The following TBC1D19 variants were observed in gnomAD, a reference collection of about 807,000 sequenced individuals.
The protein encoded by TBC1D19 is TBC1 domain family member 19.
A neutral mutation model predicts 89.0 loss-of-function variants in TBC1D19; 60 were observed. That is an observed-to-expected ratio of 0.67 (90% CI 0.55 to 0.84). The LOEUF (loss-of-function observed/expected upper bound fraction) is 0.84. Ranked by LOEUF, TBC1D19 falls within the 40% of genes least tolerant of loss-of-function variation. The probability of loss-of-function intolerance (pLI) is 0.00; values close to 1 mark genes in which losing one functional copy is unlikely to be tolerated. For synonymous variants in TBC1D19, 189 were observed against 199.7 expected, an observed-to-expected ratio of 0.95 and a Z score of 0.45; for missense variants, 500 against 610.8, an observed-to-expected ratio of 0.82 and a Z score of 1.91.
At chr4:26,621,940 G>A (rs993678973) in intron 4 of TBC1D19, among the ~76,000 whole-genome samples, 5 of 152,032 alleles carry the variant, frequency 3.3e-5, no homozygotes, top group Non-Finnish European at 7.4e-5. Context: ...CATGTCCTTT[G>A]TAGGGACATG....
Position 26,636,860 on chromosome 4 carries a change from T to C in TBC1D19, c.295-351T>C, listed in dbSNP as rs569737617. 5.9e-5 allele frequency among the ~76,000 whole-genome samples: 9 copies of C among 152,284 alleles called. No homozygotes were observed. In the East Asian group the frequency reaches 1.5e-3, roughly 26 times the overall value. On this transcript the variant is annotated intron_variant, in intron 4 of 20. Coordinates refer to ENST00000264866, the MANE Select transcript of TBC1D19 (RefSeq NM_018317.4). ...ATGAGATTCCTAAGTATTAAACATTTATAAAATACTTAAATTTAACTTATC... is the reference window on the plus strand; with the variant it reads ...ATGAGATTCCTAAGTATTAAACATTCATAAAATACTTAAATTTAACTTATC...
chr4:26,779,461 AAC>A, the TBC1D19 span, among the ~76,000 whole-genome samples: 2 of 152,200 alleles, frequency 1.3e-5, no homozygotes, highest in Non-Finnish European at 2.9e-5. Flanking sequence ...AGTTCTTGCA[AAC>A]ACATACTTTT....
In TBC1D19 at chr4:26,753,891, G is replaced by C; in HGVS notation, c.1506+1G>C. 1 of 1,613,878 alleles carries C rather than the reference G, an allele frequency of 6.2e-7. No homozygotes were observed. Among genetic ancestry groups the C allele is most frequent in the Non-Finnish European group, 8.5e-7 (1 of 1,179,840 alleles). On this transcript the variant is annotated splice_donor_variant, in intron 20 of 20. Coordinates refer to ENST00000264866, the MANE Select transcript of TBC1D19 (RefSeq NM_018317.4). LOFTEE classifies it high-confidence loss of function. ...GGTGACATCACTGGCTGCAGCTGAA[G>C]TAAGGATAAGTTTCACTCAGATGGG...
At chr4:26,662,145 T>C (rs260943) in intron 8 of TBC1D19, among the ~76,000 whole-genome samples, 149,970 of 152,312 alleles carry the variant, frequency 0.98, 73,874 homozygotes, top group East Asian at 1. Flanking sequence ...TTTAGGGCAA[T>C]AGTGATGGGA....
At position 26,748,435 on chromosome 4, in the gene TBC1D19, G is replaced by A. The variant is rs754576654; in HGVS notation, c.1344G>A (p.Met448Ile). 2 of 1,613,648 alleles carry A rather than the reference G, an allele frequency of 1.2e-6. No individual in the cohort carries two copies. Among genetic ancestry groups the A allele is most frequent in the East Asian group, 2.2e-5 (1 of 44,832 alleles). ...AQPLRISFKW[M>I]VRAFSGYLAT... The stretch of plus-strand genomic sequence containing the variant: ...GACTTCGCATATCATTTAAGTGGAT[G>A]GTTCGAGCTTTCTCTGGATACTTAG... The change falls in exon 19 of 21, where the codon ATG (methionine) becomes ATA (isoleucine). Residue 448 changes from methionine (M) to isoleucine (I), a missense_variant. Transcript: ENST00000264866.
At chr4:26,594,271 A>G (rs1740040753) in intron 1 of TBC1D19, among the ~76,000 whole-genome samples, 1 of 152,144 alleles carries the variant, frequency 6.6e-6, no homozygotes, top group African/African-American at 2.4e-5. Context: ...GTTCTCACTC[A>G]TAGGTGGGAA....
chr4:26,833,411 A>AT, the TBC1D19 span, among the ~76,000 whole-genome samples: 3 of 152,150 alleles, frequency 2.0e-5, no homozygotes, highest in African/African-American at 7.2e-5. Flanking sequence ...ATGAAGTCAT[A>AT]TTTCTACCAA....
At chr4:26,730,305 G>C (rs1717574331) in intron 15 of TBC1D19, among the ~76,000 whole-genome samples, 1 of 151,924 alleles carries the variant, frequency 6.6e-6, no homozygotes, top group Non-Finnish European at 1.5e-5. Context: ...TATTCTACTG[G>C]GAGAGAAAAA....
chr4:26,822,687 AATAAATGT>A, the TBC1D19 span, among the ~76,000 whole-genome samples: 3,887 of 152,296 alleles, frequency 0.026, 178 homozygotes, highest in African/African-American at 0.09. Context: ...GAAGACCTGT[AATAAATGT>A]ATACTTCTTC....
chr4:26,739,956 A>G lies in TBC1D19; in HGVS notation c.1210A>G (p.Ile404Val), dbSNP rs144542050. 5,100 of 1,582,702 alleles carry G rather than the reference A, an allele frequency of 3.2e-3. 20 individuals carry two copies. The highest frequency in any genetic ancestry group is 3.0e-3 in the Non-Finnish European group (3,532 of 1,163,688). ...YVRFFFRLHS[I>V]SSHPSGIVSL... ...GCGTTTTTTCTTCAGACTCCATTCC[A>G]TCTCTTCTCATCCTTCTGTAAGTTC... The change falls in exon 17 of 21, where the codon ATC becomes GTC. Residue 404 changes from isoleucine to valine, a missense_variant. By Grantham distance (29) the Ile-to-Val change is conservative. Coordinates refer to ENST00000264866, the MANE Select transcript of TBC1D19 (RefSeq NM_018317.4).
intron 11 of TBC1D19, 102 bp from the exon 12 acceptor site, chr4:26,683,573 C>T: frequency 1.2e-6 from 1 of 854,290 alleles, no homozygotes; most frequent in South Asian, 1.7e-5. Flanking sequence ...ACACTGAGTT[C>T]CTGCCCTTCT....
At chr4:26,619,371 A>C (rs1262044110) in intron 3 of TBC1D19, among the ~76,000 whole-genome samples, 3 of 151,820 alleles carry the variant, frequency 2.0e-5, no homozygotes, top group Non-Finnish European at 4.4e-5. Flanking sequence ...CGGCTGGCTA[A>C]TTTTTTTGTA....
chr4:26,612,136 A>G (rs1300763947), intron 1 of TBC1D19, among the ~76,000 whole-genome samples: 1 of 151,098 alleles, frequency 6.6e-6, no homozygotes, highest in African/African-American at 2.4e-5. Context: ...CAGTTGGTTT[A>G]TCCTCAGCTG....
At chr4:26,762,771 G>A in the TBC1D19 span, among the ~76,000 whole-genome samples, 1 of 152,128 alleles carries the variant, frequency 6.6e-6, no homozygotes, top group African/African-American at 2.4e-5. Flanking sequence ...GAAACAGGAG[G>A]GTATGAGTCA....
intron 4 of TBC1D19, among the ~76,000 whole-genome samples, chr4:26,622,754 T>G (rs1742142734): frequency 1.3e-5 from 2 of 152,250 alleles, no homozygotes; most frequent in Admixed American, 6.5e-5. Flanking sequence ...GCATATTGGT[T>G]GTTGCTGCTT....
intron 1 of TBC1D19, among the ~76,000 whole-genome samples, chr4:26,577,217 T>C (rs1333064469): frequency 6.6e-6 from 1 of 152,194 alleles, no homozygotes; most frequent in Non-Finnish European, 1.5e-5. Flanking sequence ...CTCTGCTTTA[T>C]AGACTTTGGA....
At chr4:26,657,483 G>A (rs574417749) in intron 7 of TBC1D19, among the ~76,000 whole-genome samples, 1 of 152,036 alleles carries the variant, frequency 6.6e-6, no homozygotes, top group East Asian at 1.9e-4. Flanking sequence ...TCCAGTCTAT[G>A]ATTTATGGGC....
chr4:26,731,731 G>A (rs1717673413), intron 15 of TBC1D19, among the ~76,000 whole-genome samples: 1 of 152,104 alleles, frequency 6.6e-6, no homozygotes, highest in African/African-American at 2.4e-5. Context: ...AGTTTCTGTG[G>A]GACAAGAAGC....
chr4:26,826,610 A>G, the TBC1D19 span, among the ~76,000 whole-genome samples: 1 of 152,210 alleles, frequency 6.6e-6, no homozygotes, highest in African/African-American at 2.4e-5. Flanking sequence ...ATTGTTATAG[A>G]TGATGTCCGC....
Sources: gnomAD v4.1 joint callset for allele counts (sites outside exome capture counted in the v4.1 genomes callset) on GRCh38, gnomAD v4.1.1 for gene constraint, MANE v1.5 for transcripts, NCBI Gene and HGNC (gene_info 2026-07-23, HGNC 2026-07-21) for gene names.